Variants in FBXL18 observed in about 807,000 individuals in gnomAD.
FBXL18 encodes the protein F-box/LRR-repeat protein 18.
In FBXL18, 36 loss-of-function variants were observed where a neutral mutation model predicts 46.0. That is an observed-to-expected ratio of 0.78 (90% CI 0.60 to 1.03). FBXL18 has a LOEUF of 1.03. Among genes scored for constraint, FBXL18 ranks in the 50% least tolerant of loss-of-function variants. The pLI is 0.00. For missense variants in FBXL18, 977 were observed against 1,004.1 expected (o/e 0.97, Z 0.36); for synonymous variants, 557 against 465.3 (o/e 1.20, Z -2.54).
At chr7:5,513,136 G>A (rs1331841572) in intron 1 of FBXL18, among the ~76,000 whole-genome samples, 2 of 152,144 alleles carry the variant, frequency 1.3e-5, no homozygotes, top group Non-Finnish European at 2.9e-5. Context: ...CCAGATTTGG[G>A]GAGTGTTGGG....
intron 4 of FBXL18, among the ~76,000 whole-genome samples, chr7:5,469,774 C>T (rs1369065665): frequency 6.6e-6 from 1 of 151,682 alleles, no homozygotes; most frequent in Admixed American, 6.6e-5. Context: ...GGTGTGGACT[C>T]AGGCGGTGTT....
intron 3 of FBXL18, among the ~76,000 whole-genome samples, chr7:5,497,354 G>A (rs917522922): frequency 4.6e-5 from 7 of 152,232 alleles, no homozygotes; most frequent in South Asian, 2.1e-4. Flanking sequence ...TAACCACCCC[G>A]CTCCCCACGC....
In FBXL18 at chr7:5,468,222, A is replaced by T. The variant is rs376994067; in HGVS notation, c.2001-20379T>A. Among the ~76,000 whole-genome samples the T allele has an allele frequency of 1.2e-4, 18 of 152,162 alleles. No individual in the cohort carries two copies. The East Asian group carries it at 1.6e-3, about 13-fold the overall frequency. ...ATGGTCTCGATCTCCTGACCTCGTG[A>T]TCCGCCCGCCTCGGCCTCCCAAAGT... On this transcript the variant is annotated intron_variant and NMD_transcript_variant, in intron 4 of 6. Coordinates refer to the FBXL18 transcript ENST00000415009.
chr7:5,486,067 AAAT>A (rs1783767164), intron 4 of FBXL18, among the ~76,000 whole-genome samples: 183 of 17,950 alleles, frequency 0.01, no homozygotes, highest in African/African-American at 0.043. Flanking sequence ...TCAAAAAAAT[AAAT>A]AAATAAATAA....
At chr7:5,469,313 G>A (rs1022629466) in intron 4 of FBXL18, among the ~76,000 whole-genome samples, 1 of 152,220 alleles carries the variant, frequency 6.6e-6, no homozygotes, top group Non-Finnish European at 1.5e-5. Flanking sequence ...TCGGGAGGCT[G>A]AGGCAGAAGA....
chr7:5,472,503 GAGACCACATGGAGAGGCCACTT>G (rs1253130957), downstream of FBXL18, among the ~76,000 whole-genome samples: 3 of 152,270 alleles, frequency 2.0e-5, no homozygotes, highest in South Asian at 2.1e-4. Context: ...CCTATGTAGA[GAGACCACATGGAGAGGCCACTT>G]AGACCACATG....
chr7:5,501,464 C>T lies in FBXL18; in HGVS notation c.805G>A (p.Val269Ile), dbSNP rs2128237600. 1.2e-6 allele frequency: 2 copies of T among 1,613,676 alleles called. No homozygotes were observed. Among genetic ancestry groups the T allele is most frequent in the South Asian group, 1.1e-5 (1 of 91,068 alleles). ...PQNLHAFLIS[V>I]PGSFAESGAT... ...CCGCTCTCCGCGAAGCTGCCAGGGA[C>T]GGAGATGAGGAAGGCGTGGAGGTTC... The change falls in exon 3 of 5, where the codon GTC (valine) becomes ATC (isoleucine). Residue 269 changes from valine (V) to isoleucine (I), a missense_variant. Transcript: ENST00000382368.
chr7:5,499,969 G>A (rs1784188667), intron 3 of FBXL18, among the ~76,000 whole-genome samples: 1 of 151,946 alleles, frequency 6.6e-6, no homozygotes, highest in African/African-American at 2.4e-5. Flanking sequence ...ATAGGCTGAG[G>A]TAGGAGGATT....
At position 5,478,747 on chromosome 7, in the gene FBXL18, A is replaced by AGGGCACAGGTACACGC. The variant is rs1783574337; in HGVS notation, c.*3012_*3027dup. The AGGGCACAGGTACACGC allele has an allele frequency of 6.6e-6, 1 of 152,116 alleles. No homozygotes were observed. Among genetic ancestry groups the AGGGCACAGGTACACGC allele is most frequent in the South Asian group, 2.1e-4 (1 of 4,832 alleles). 9.4% of individuals were successfully genotyped at this position (152,116 alleles called of 1,614,324 possible). A position where few individuals can be genotyped will look rare whatever the true frequency, so the allele number is the denominator to read the frequency against. On this transcript the variant is annotated 3_prime_UTR_variant, in exon 5 of 5. Transcript: ENST00000382368. Reference sequence around the variant, plus strand: ...TACACGAAGGCACACGTGCACACACAGGGCACAGGTACACGCAGGCACATG... The same window carrying AGGGCACAGGTACACGC: ...TACACGAAGGCACACGTGCACACACAGGGCACAGGTACACGCGGGCACAGGTACACGCAGGCACATG...
chr7:5,512,108 G>A (rs1309842685), intron 1 of FBXL18, among the ~76,000 whole-genome samples: 25 of 150,466 alleles, frequency 1.7e-4, no homozygotes, highest in African/African-American at 6.1e-4. Flanking sequence ...AGCTGGGCGT[G>A]GTGGCGGGCG....
chr7:5,478,016 G>A lies in FBXL18; in HGVS notation c.*3759C>T, dbSNP rs941004713. ...CCCGGTCCCCTGGGTCCAACGGCCT[G>A]TGGCTCTGGGTCCGGACCCAGGGTG... On this transcript the variant is annotated 3_prime_UTR_variant, in exon 5 of 5. Coordinates refer to ENST00000382368, the MANE Select transcript of FBXL18 (RefSeq NM_024963.6). 2.6e-5 allele frequency: 4 copies of A among 152,386 alleles called. No homozygotes were observed. 9.4% of individuals were successfully genotyped at this position (152,386 alleles called of 1,614,324 possible). A position where few individuals can be genotyped will look rare whatever the true frequency, so the allele number is the denominator to read the frequency against.
chr7:5,512,985 C>T (rs370927415), intron 1 of FBXL18, among the ~76,000 whole-genome samples: 221 of 152,234 alleles, frequency 1.5e-3, no homozygotes, highest in African/African-American at 4.7e-3. Flanking sequence ...TGACAGATAC[C>T]AACCCAGGTG....
intron 1 of FBXL18, among the ~76,000 whole-genome samples, chr7:5,508,439 CTAA>C (rs1784447558): frequency 1.2e-5 from 1 of 81,658 alleles, no homozygotes; most frequent in Admixed American, 1.4e-4. Flanking sequence ...GAGACTTTGT[CTAA>C]AAAAAAAAAA....
At chr7:5,492,017 TG>T (rs1020083496) in intron 3 of FBXL18, among the ~76,000 whole-genome samples, 28 of 149,614 alleles carry the variant, frequency 1.9e-4, no homozygotes, top group African/African-American at 6.7e-4. Context: ...CCACGACAGA[TG>T]GGAGGACAGC....
Position 5,496,343 on chromosome 7 carries a change from AC to A in FBXL18, c.1781+4144del, listed in dbSNP as rs1458503741. On this transcript the variant is annotated intron_variant, in intron 3 of 4. Coordinates refer to ENST00000382368, the MANE Select transcript of FBXL18 (RefSeq NM_024963.6). This position sits in a 1 kb window ranked among gnomAD's most constrained non-coding sequence, Gnocchi z 4.8. ...CACCTCTGCCTCTTGCTTCCGGAAC[AC>A]CCCCTCCCTCCGGCCAGTGCCTCCC... Among the ~76,000 whole-genome samples, 3 of 151,132 alleles carry A rather than the reference AC, an allele frequency of 2.0e-5. No individual in the cohort carries two copies. The highest frequency in any genetic ancestry group is 3.9e-4 in the East Asian group (2 of 5,148).
intron 4 of FBXL18, chr7:5,489,553 G>A: frequency 3.3e-6 from 1 of 298,954 alleles, no homozygotes; most frequent in Non-Finnish European, 6.6e-6. Context: ...GGCAGATCAT[G>A]AGGTCAGGAG....
chr7:5,485,710 C>G (rs1354892095), intron 4 of FBXL18, among the ~76,000 whole-genome samples: 4 of 152,012 alleles, frequency 2.6e-5, no homozygotes, highest in Non-Finnish European at 5.9e-5. Flanking sequence ...GAGTTCGAGA[C>G]CAGCCTGACC....
rs377473049 is a variant in FBXL18, at chr7:5,476,150, C to T, written c.*5625G>A. On this transcript the variant is annotated 3_prime_UTR_variant, in exon 5 of 5. Coordinates refer to ENST00000382368, the MANE Select transcript of FBXL18 (RefSeq NM_024963.6). The stretch of plus-strand genomic sequence containing the variant: ...AGGGGCTGGAGGGAGATACCACCGA[C>T]GGCTGCAGGGGAGGGGCACGCACAC... 17 of 153,044 alleles carry T rather than the reference C, an allele frequency of 1.1e-4. No homozygotes were observed. The highest frequency in any genetic ancestry group is 2.9e-4 in the African/African-American group (12 of 41,588). The allele number at this position is 153,044 out of a possible 1,614,324, so 9.5% of individuals were successfully genotyped here. A position where few individuals can be genotyped will look rare whatever the true frequency, so the allele number is the denominator to read the frequency against.
At chr7:5,493,177 G>A (rs7789542) in intron 3 of FBXL18, among the ~76,000 whole-genome samples, 1 of 152,080 alleles carries the variant, frequency 6.6e-6, no homozygotes, top group African/African-American at 2.4e-5. Flanking sequence ...TCTACAAAAA[G>A]TACAAAAATT....
Sources: gnomAD v4.1 joint callset for allele counts (sites outside exome capture counted in the v4.1 genomes callset) on GRCh38, gnomAD v4.1.1 for gene constraint, Gnocchi (gnomAD v3.1) non-coding constraint, MANE v1.5 for transcripts, NCBI Gene and HGNC (gene_info 2026-07-23, HGNC 2026-07-21) for gene names.